CREBRF: variants seen among roughly 807,000 people sequenced by gnomAD.
The protein encoded by CREBRF is CREB3 regulatory factor.
CREBRF carries 5 observed loss-of-function variants against 66.1 expected under a neutral mutation model. The observed-to-expected ratio is 0.08, with a 90% CI of 0.04 to 0.16. The LOEUF is 0.16. Among genes scored for constraint, CREBRF ranks in the 10% least tolerant of loss-of-function variants. The probability of loss-of-function intolerance (pLI) is 1.00; values close to 1 mark genes in which losing one functional copy is unlikely to be tolerated. For missense variants in CREBRF, 531 were observed against 744.9 expected (o/e 0.71, Z 3.34); for synonymous variants, 229 against 264.4 (o/e 0.87, Z 1.30).
At chr5:173,060,381 C>T (rs1294157653) in intron 1 of CREBRF, 1 of 151,924 alleles carries the variant, frequency 6.6e-6, no homozygotes, top group Non-Finnish European at 1.5e-5. Flanking sequence ...CAGGCGTGCA[C>T]CGCTATGCTC....
At chr5:173,122,634 C>T (rs1417402470) in intron 7 of CREBRF, among the ~76,000 whole-genome samples, 21 of 143,724 alleles carry the variant, frequency 1.5e-4, no homozygotes, top group Non-Finnish European at 2.6e-4. Context: ...TTTTAGGGTA[C>T]ATGTGCACAA....
In CREBRF at chr5:173,091,412, G is replaced by C. The variant is rs776159214; in HGVS notation, c.1222+11G>C. 1 of 1,610,666 alleles carries C rather than the reference G, an allele frequency of 6.2e-7. No homozygotes were observed. Among genetic ancestry groups the C allele is most frequent in the Non-Finnish European group, 8.5e-7 (1 of 1,177,538 alleles). ...CTTTCTCTGAACCAGGTATTATAAT[G>C]CTTGCAAGCTTACCAGACTGACCTT... On this transcript the variant is annotated intron_variant, in intron 4 of 8. Coordinates refer to ENST00000296953, the MANE Select transcript of CREBRF (RefSeq NM_153607.3).
intron 8 of CREBRF, 99 bp downstream of exon 8, chr5:173,123,301 C>A: frequency 8.8e-7 from 1 of 1,130,850 alleles, no homozygotes; most frequent in Non-Finnish European, 1.2e-6. Context: ...AGGAAAAACT[C>A]AAGTGCTCTC....
chr5:173,112,125 T>G (rs1406868023), intron 6 of CREBRF, among the ~76,000 whole-genome samples, 181 bp from the exon 7 acceptor site: 3 of 152,140 alleles, frequency 2.0e-5, no homozygotes, highest in Non-Finnish European at 2.9e-5. Flanking sequence ...GAAAGCAGGC[T>G]GGGCATGGTG....
At chr5:173,094,764 TGTG>T (rs1758438589) in intron 4 of CREBRF, among the ~76,000 whole-genome samples, 1 of 152,228 alleles carries the variant, frequency 6.6e-6, no homozygotes, top group Non-Finnish European at 1.5e-5. Context: ...TATTTTGCTC[TGTG>T]GGAGCTTTTT....
intron 4 of CREBRF, among the ~76,000 whole-genome samples, chr5:173,094,597 A>G (rs1207099040): frequency 6.6e-6 from 1 of 152,040 alleles, no homozygotes; most frequent in Non-Finnish European, 1.5e-5. Context: ...AAAAATGTTT[A>G]TTCAGGTCCT....
Position 173,134,272 on chromosome 5 carries a change from AT to A in CREBRF, c.*528del, listed in dbSNP as rs1759538185. The A allele has an allele frequency of 1.4e-5, 2 of 143,120 alleles. No individual in the cohort carries two copies. Among genetic ancestry groups the A allele is most frequent in the African/African-American group, 5.8e-5 (2 of 34,668 alleles). 8.9% of individuals were successfully genotyped at this position (143,120 alleles called of 1,614,324 possible). A position where few individuals can be genotyped will look rare whatever the true frequency, so the allele number is the denominator to read the frequency against. ...CTCAAGATGATATATATAAATATAT[AT>A]ATATATATATATATATACACACACA... On this transcript the variant is annotated 3_prime_UTR_variant, in exon 9 of 9. Transcript: ENST00000296953.
intron 5 of CREBRF, chr5:173,110,007 C>CTAT (rs1758836612): frequency 5.1e-6 from 1 of 194,268 alleles, no homozygotes; most frequent in African/African-American, 2.4e-5. Context: ...TTTATCAAAG[C>CTAT]AACAAAAGAA....
intron 1 of CREBRF, among the ~76,000 whole-genome samples, chr5:173,066,362 T>C (rs1473385863): frequency 6.6e-6 from 1 of 152,202 alleles, no homozygotes; most frequent in Non-Finnish European, 1.5e-5. Context: ...CTGTTTTCTA[T>C]TTCTTATGCA....
chr5:173,097,742 C>T (rs1437918836), intron 4 of CREBRF, among the ~76,000 whole-genome samples: 1 of 151,886 alleles, frequency 6.6e-6, no homozygotes, highest in African/African-American at 2.4e-5. Flanking sequence ...TCTGATTTCT[C>T]CTCTTTCATT....
At chr5:173,080,832 A>G in intron 2 of CREBRF, 48 bp downstream of exon 2, 2 of 1,582,008 alleles carry the variant, frequency 1.3e-6, no homozygotes, top group Non-Finnish European at 1.7e-6. Flanking sequence ...CCCACTACAG[A>G]AAGTCAATAC....
At position 173,133,878 on chromosome 5, in the gene CREBRF, A is replaced by G. The variant is rs1561586642; in HGVS notation, c.*133A>G. 3.8e-6 allele frequency: 2 copies of G among 523,066 alleles called. No homozygotes were observed. Among genetic ancestry groups the G allele is most frequent in the African/African-American group, 2.0e-5 (1 of 50,578 alleles). The allele number at this position is 523,066 out of a possible 1,614,324, so 32.4% of individuals were successfully genotyped here. A position where few individuals can be genotyped will look rare whatever the true frequency, so the allele number is the denominator to read the frequency against. ...ATTAGGTTACATTGTTTTAAGAACTAAGTAGCATAAGTGAAGCATGATCCA... is the reference window on the plus strand; with the variant it reads ...ATTAGGTTACATTGTTTTAAGAACTGAGTAGCATAAGTGAAGCATGATCCA... On this transcript the variant is annotated 3_prime_UTR_variant, in exon 9 of 9. Coordinates refer to ENST00000296953, the MANE Select transcript of CREBRF (RefSeq NM_153607.3).
Position 173,112,313 on chromosome 5 carries a change from C to A in CREBRF, c.1615C>A (p.Arg539=). Residue 539 remains arginine, a synonymous_variant, in exon 7 of 9, where the codon CGG becomes AGG. Transcript: ENST00000296953. The part of the protein sequence containing the change: ...EKNKLASRAC[R]LKKKAQYEAN... ...TGCTCCTTCCTTTCACAGAGCTTGT[C>A]GGTTAAAGAAGAAAGCCCAGTATGA... 1 of 1,592,366 alleles carries A rather than the reference C, an allele frequency of 6.3e-7. No individual in the cohort carries two copies.
chr5:173,074,905 G>A (rs1439611639), intron 1 of CREBRF, among the ~76,000 whole-genome samples: 1 of 152,194 alleles, frequency 6.6e-6, no homozygotes, highest in Admixed American at 6.5e-5. Flanking sequence ...ACAGGCATGA[G>A]CCACCGTGCC....
At chr5:173,119,987 CT>C (rs1282019559) in intron 7 of CREBRF, among the ~76,000 whole-genome samples, 2 of 152,030 alleles carry the variant, frequency 1.3e-5, no homozygotes, top group Non-Finnish European at 2.9e-5. Flanking sequence ...ATATATCTTC[CT>C]TTTTATATTG....
chr5:173,096,147 T>C (rs528638065), intron 4 of CREBRF, among the ~76,000 whole-genome samples: 3 of 152,216 alleles, frequency 2.0e-5, no homozygotes, highest in African/African-American at 4.8e-5. Flanking sequence ...TTTTTTGTAT[T>C]TTTAGTAGAG....
At chr5:173,064,877 T>A (rs2113664085) in intron 1 of CREBRF, among the ~76,000 whole-genome samples, 1 of 151,930 alleles carries the variant, frequency 6.6e-6, no homozygotes, top group South Asian at 2.1e-4. Context: ...CTGGCTAATT[T>A]AAAAAATTAT....
rs747755461 is a variant in CREBRF at position 173,108,791 on chromosome 5, A to G, written c.1390A>G (p.Met464Val). 1.2e-6 allele frequency: 2 copies of G among 1,612,184 alleles called. No homozygotes were observed. ...EWNRDTLPSN[M>V]YQKNGLHHGK... ...GAACCGAGATACTTTGCCAAGTAAT[A>G]TGTATCAGAAAAATGGCTTACATCA... The change falls in exon 5 of 9, where the codon ATG becomes GTG. Residue 464 changes from methionine (M) to valine (V), a missense_variant. Around this residue, in one of 5 missense-constraint regions of CREBRF, gnomAD observed 309 missense variants for 341.4 expected, o/e 0.90. Transcript: ENST00000296953.
intron 1 of CREBRF, among the ~76,000 whole-genome samples, chr5:173,078,514 T>C (rs554165543): frequency 2.0e-5 from 3 of 150,826 alleles, no homozygotes; most frequent in Non-Finnish European, 4.4e-5. Context: ...TAAAATACTC[T>C]CATTTACAAA....
Sources: allele counts gnomAD v4.1 joint callset (sites outside exome capture counted in the v4.1 genomes callset), GRCh38; gene constraint gnomAD v4.1.1; regional missense constraint gnomAD v4.1.1; transcripts MANE v1.5; gene names NCBI Gene and HGNC (gene_info 2026-07-23, HGNC 2026-07-21).